The following CACTIN variants were observed in gnomAD, a reference collection of about 807,000 sequenced individuals.
CACTIN encodes cactin, spliceosome C complex subunit, also known as splicing factor Cactin.
Under a neutral mutation model 84.9 loss-of-function variants are expected in CACTIN, and 20 were observed. The ratio of observed to expected loss-of-function variants is 0.24; its 90% CI spans 0.17 to 0.34. The LOEUF (loss-of-function observed/expected upper bound fraction) is 0.34, where lower values mean the gene tolerates loss of function less well. Among genes scored for constraint, CACTIN ranks in the 10% least tolerant of loss-of-function variants. CACTIN has a pLI of 1.00. For missense variants in CACTIN, 897 were observed against 1,117.2 expected, an observed-to-expected ratio of 0.80 and a Z score of 2.81; for synonymous variants, 549 against 467.9, an observed-to-expected ratio of 1.17 and a Z score of -2.24.
chr19:3,614,654 G>A, intron 6 of CACTIN, 65 bp from the exon 7 acceptor site: 1 of 1,372,228 alleles, frequency 7.3e-7, no homozygotes, highest in Non-Finnish European at 1.0e-6. Context: ...CACCCCATCA[G>A]GGCCTCCTCC....
At position 3,613,123 on chromosome 19, in the gene CACTIN, T is replaced by C. The variant is rs777676313; in HGVS notation, c.1721A>G (p.His574Arg). ...CAGGTCCTCATCCGGTTCCAGCACG[T>C]GCGCGTCCAGTGGCAGCTCGTGCGC... Reference protein sequence around the residue: ...LTAHELPLDAHVLEPDEDLQR... With the variant: ...LTAHELPLDARVLEPDEDLQR... Residue 574 changes from histidine (H) to arginine (R), a missense_variant, in exon 9 of 10, where the codon CAC (histidine) becomes CGC (arginine). Around this residue, in one of 8 missense-constraint regions of CACTIN, gnomAD observed 243 missense variants for 239.9 expected, o/e 1.01. Transcript: ENST00000429344. 6.2e-7 allele frequency: 1 copy of C among 1,606,396 alleles called. No homozygotes were observed. Among genetic ancestry groups the C allele is most frequent in the South Asian group, 1.1e-5 (1 of 90,950 alleles).
At chr19:3,625,690 G>T (rs1371772842) in intron 1 of CACTIN, among the ~76,000 whole-genome samples, 1 of 152,234 alleles carries the variant, frequency 6.6e-6, no homozygotes, top group African/African-American at 2.4e-5. Context: ...TCGTGCCACT[G>T]CACCCCAGCC....
At chr19:3,618,396 C>T (rs1011456799) in intron 6 of CACTIN, among the ~76,000 whole-genome samples, 6 of 151,924 alleles carry the variant, frequency 3.9e-5, no homozygotes, top group Non-Finnish European at 5.9e-5. Flanking sequence ...AGAGCATCCC[C>T]GGTGACCATG....
At chr19:3,621,129 G>A (rs564464190) in intron 2 of CACTIN, 20 of 446,460 alleles carry the variant, frequency 4.5e-5, no homozygotes, top group Middle Eastern at 5.8e-4. Context: ...CAACAGAAGA[G>A]CCTTGCTCGG....
chr19:3,626,230 G>C (rs753677820), intron 1 of CACTIN, among the ~76,000 whole-genome samples: 1 of 152,164 alleles, frequency 6.6e-6, no homozygotes, highest in Non-Finnish European at 1.5e-5. Flanking sequence ...AGTTAAGTCA[G>C]TCCACGTCAC....
Position 3,611,159 on chromosome 19 carries a change from G to A in CACTIN, c.*764C>T, listed in dbSNP as rs2032939033. On this transcript the variant is annotated 3_prime_UTR_variant, in exon 10 of 10. Transcript: ENST00000429344. ...CAGGCCCTGTGCTCAGAGGTGGGGGGAGGACGGCTCAGTGACTTTTGGTTC... is the reference window on the plus strand; with the variant it reads ...CAGGCCCTGTGCTCAGAGGTGGGGGAAGGACGGCTCAGTGACTTTTGGTTC... 7.7e-6 allele frequency: 3 copies of A among 391,592 alleles called. No individual in the cohort carries two copies. The highest frequency in any genetic ancestry group is 1.5e-5 in the Non-Finnish European group (3 of 194,204). 24.3% of individuals were successfully genotyped at this position (391,592 alleles called of 1,614,324 possible). A position where few individuals can be genotyped will look rare whatever the true frequency, so the allele number is the denominator to read the frequency against.
intron 6 of CACTIN, among the ~76,000 whole-genome samples, chr19:3,618,182 G>A (rs867761294): frequency 2.1e-5 from 3 of 146,024 alleles, no homozygotes; most frequent in South Asian, 2.2e-4. Context: ...TAGACCGGGG[G>A]GGGGGGGGGT....
Position 3,620,797 on chromosome 19 carries a change from C to G in CACTIN, c.648G>C (p.Leu216=). ...LLGTFIWNKA[L]EKKGISHLEE... ...CCAGGTGGCTGATCCCCTTCTTCTC[C>G]AGGGCCTGGAAGCACCAGGCACACC... is the stretch of plus-strand genomic sequence containing the variant. The change falls in exon 3 of 10, where the codon CTG becomes CTC. Residue 216 remains leucine (L), a synonymous_variant. Transcript: ENST00000429344. 1 of 1,613,018 alleles carries G rather than the reference C, an allele frequency of 6.2e-7. No individual in the cohort carries two copies. Among genetic ancestry groups the G allele is most frequent in the Non-Finnish European group, 8.5e-7 (1 of 1,179,812 alleles).
chr19:3,619,326 G>A, intron 4 of CACTIN, 84 bp from the exon 5 acceptor site: 5 of 1,494,574 alleles, frequency 3.3e-6, no homozygotes, highest in Non-Finnish European at 4.5e-6. Context: ...GACCACACCA[G>A]TGGGAGCCGA....
chr19:3,616,055 C>G (rs1423943431), intron 6 of CACTIN: 3 of 152,198 alleles, frequency 2.0e-5, no homozygotes, highest in Non-Finnish European at 2.9e-5. Context: ...TCTGGACATG[C>G]TGCTGCATGT....
chr19:3,625,712 G>C (rs539142822), intron 1 of CACTIN, among the ~76,000 whole-genome samples: 2 of 152,348 alleles, frequency 1.3e-5, no homozygotes, highest in South Asian at 2.1e-4. Context: ...GGGCGACAGA[G>C]CAAGACTCCG....
chr19:3,614,581 G>T lies in CACTIN; in HGVS notation c.1171C>A (p.Arg391Ser). The change falls in exon 7 of 10, where the codon CGC becomes AGC. Residue 391 changes from arginine (R) to serine (S), a missense_variant. Coordinates refer to ENST00000429344, the MANE Select transcript of CACTIN (RefSeq NM_001080543.2). ...CTGACGGAGGCGTTGACCCCCTCGC[G>T]GCGCTCACCTGCAGCGGGGTGGGGG... ...EASGKGPGER[R>S]EGVNASVSSD... is the part of the protein sequence containing the mutation. 1 of 1,601,516 alleles carries T rather than the reference G, an allele frequency of 6.2e-7. No homozygotes were observed. Among genetic ancestry groups the T allele is most frequent in the Non-Finnish European group, 8.5e-7 (1 of 1,174,582 alleles).
rs1279585205 is a variant in CACTIN, at chr19:3,613,206, C to T, written c.1638G>A (p.Leu546=). The change falls in exon 9 of 10, where the codon CTG becomes CTA. Residue 546 remains leucine (L), a synonymous_variant. Coordinates refer to ENST00000429344, the MANE Select transcript of CACTIN (RefSeq NM_001080543.2). ...CGTAGTCGTCCAGGCTCTGCTGGAT[C>T]AGGTCCTCCTCCATGAGCACCGCCT... ...EGEAVLMEED[L]IQQSLDDYDA... is the part of the protein sequence containing the mutation. 6.2e-7 allele frequency: 1 copy of T among 1,611,532 alleles called. No individual in the cohort carries two copies. Among genetic ancestry groups the T allele is most frequent in the Non-Finnish European group, 8.5e-7 (1 of 1,179,336 alleles).
In CACTIN at chr19:3,624,064, T is replaced by A; in HGVS notation, c.266A>T (p.Asp89Val). 1 of 1,603,756 alleles carries A rather than the reference T, an allele frequency of 6.2e-7. No individual in the cohort carries two copies. The highest frequency in any genetic ancestry group is 8.5e-7 in the Non-Finnish European group (1 of 1,179,594). ...WHSRDGSSQS[D>V]SGEEQSRGQW... is the part of the protein sequence containing the mutation. ...GCCCCGTGACTGCTCCTCTCCTGAG[T>A]CCGACTGAGAGGACCCATCTCTTGA... The change falls in exon 2 of 10, where the codon GAC (aspartate) becomes GTC (valine). Residue 89 changes from aspartate (D) to valine (V), a missense_variant. Asp to Val is a radical substitution (Grantham distance 152). This residue lies in a region of CACTIN where 261 missense variants were observed against 243.8 expected (regional missense o/e 1.07). Coordinates refer to ENST00000429344, the MANE Select transcript of CACTIN (RefSeq NM_001080543.2).
intron 2 of CACTIN, 26 bp downstream of exon 2, chr19:3,623,662 A>C (rs780605213): frequency 1.2e-5 from 18 of 1,562,740 alleles, no homozygotes; most frequent in Non-Finnish European, 1.6e-5. Flanking sequence ...CTACAGGGAC[A>C]GAGGCCACCA....
chr19:3,624,793 C>A (rs539920515), intron 1 of CACTIN, among the ~76,000 whole-genome samples: 7 of 151,964 alleles, frequency 4.6e-5, no homozygotes, highest in Non-Finnish European at 7.4e-5. Flanking sequence ...CAGAGTAGAG[C>A]GCAGGGAATG....
At chr19:3,617,959 G>C (rs1366979265) in intron 6 of CACTIN, among the ~76,000 whole-genome samples, 1 of 152,220 alleles carries the variant, frequency 6.6e-6, no homozygotes, top group East Asian at 1.9e-4. Flanking sequence ...GGAAGGACCT[G>C]CCACAGACCA....
chr19:3,619,080 C>A lies in CACTIN; in HGVS notation c.1047G>T (p.Gln349His), dbSNP rs372265731. ...ADMEDLLEDI[Q>H]VYMELEQGKN... ...AGGAGCATCGGGTGGGGCTGGGTAC[C>A]TGGATATCCTCCAGCAGGTCCTCCA... The change falls in exon 5 of 10, where the codon CAG becomes CAT. Residue 349 changes from glutamine (Q) to histidine (H), a missense_variant and splice_region_variant. Gln to His is a conservative substitution (Grantham distance 24, BLOSUM62 0). Around this residue, in one of 8 missense-constraint regions of CACTIN, gnomAD observed 304 missense variants for 444.3 expected, o/e 0.68. Transcript: ENST00000429344. 1.3e-6 allele frequency: 2 copies of A among 1,556,124 alleles called. No homozygotes were observed. The highest frequency in any genetic ancestry group is 1.7e-6 in the Non-Finnish European group (2 of 1,149,894).
intron 2 of CACTIN, among the ~76,000 whole-genome samples, chr19:3,622,020 C>A (rs2033234485): frequency 6.6e-6 from 1 of 152,142 alleles, no homozygotes; most frequent in Admixed American, 6.6e-5. Flanking sequence ...CTGTGTCCCC[C>A]ACAGGCACAT....
Sources: allele counts gnomAD v4.1 joint callset (sites outside exome capture counted in the v4.1 genomes callset), GRCh38; gene constraint gnomAD v4.1.1; regional missense constraint gnomAD v4.1.1; transcripts MANE v1.5; gene names NCBI Gene and HGNC (gene_info 2026-07-23, HGNC 2026-07-21).